RSF1: variants seen among roughly 807,000 people sequenced by gnomAD.
The protein encoded by RSF1 is HBV pX-associated protein 8.
RSF1 carries 13 observed loss-of-function variants against 145.2 expected under a neutral mutation model. That is an observed-to-expected ratio of 0.09 (90% CI 0.06 to 0.14). The LOEUF (loss-of-function observed/expected upper bound fraction) is 0.14, where lower values mean the gene tolerates loss of function less well. Ranked by LOEUF, RSF1 falls within the 10% of genes least tolerant of loss-of-function variation. The pLI is 1.00. For synonymous variants in RSF1, 577 were observed against 592.6 expected (o/e 0.97, Z 0.38); for missense variants, 1,517 against 1,718.2 (o/e 0.88, Z 2.07).
chr11:77,774,084 C>T (rs1354355172), intron 1 of RSF1, among the ~76,000 whole-genome samples: 2 of 152,194 alleles, frequency 1.3e-5, no homozygotes, highest in Non-Finnish European at 2.9e-5. Context: ...AATTATCTAT[C>T]TTCTATCTCT....
intron 1 of RSF1, chr11:77,813,575 CT>C: frequency 3.0e-6 from 2 of 676,578 alleles, no homozygotes; most frequent in Admixed American, 2.0e-5. Flanking sequence ...CAGCACACAC[CT>C]TTTCCAGGGA....
intron 4 of RSF1, among the ~76,000 whole-genome samples, chr11:77,726,525 C>T (rs992479468): frequency 1.3e-5 from 2 of 152,044 alleles, no homozygotes; most frequent in African/African-American, 4.8e-5. Context: ...ATTTAAATGC[C>T]ACTTACAACT....
chr11:77,861,186 T>TCTTTCTCCTATGTTCAGGTGTATAA, the RSF1 span, among the ~76,000 whole-genome samples: 2 of 152,172 alleles, frequency 1.3e-5, no homozygotes, highest in African/African-American at 4.8e-5. Context: ...AAATGGGTGT[T>TCTTTCTCCTATGTTCAGGTGTATAA]CTTTCTCCTA....
intron 8 of RSF1, 94 bp from the exon 9 acceptor site, chr11:77,691,332 G>T: frequency 1.0e-6 from 1 of 997,606 alleles, no homozygotes. Context: ...GGCTCTGAGA[G>T]CTGGTAAGGG....
chr11:77,820,187 G>T (rs1948843546), intron 1 of RSF1, among the ~76,000 whole-genome samples: 1 of 152,160 alleles, frequency 6.6e-6, no homozygotes, highest in Non-Finnish European at 1.5e-5. Flanking sequence ...GCCGCCAAGG[G>T]GGAGACGGGG....
the RSF1 span, chr11:77,841,386 T>C: frequency 1.7e-6 from 1 of 595,432 alleles, no homozygotes; most frequent in South Asian, 2.1e-5. Flanking sequence ...CTTGATTTTA[T>C]TCTTAAACCC....
chr11:77,747,229 G>C, intron 2 of RSF1, 101 bp from the exon 3 acceptor site: 3 of 707,986 alleles, frequency 4.2e-6, no homozygotes, highest in Admixed American at 4.8e-5. Flanking sequence ...GTTTATAAAG[G>C]AAAGAGGTTA....
intron 5 of RSF1, among the ~76,000 whole-genome samples, chr11:77,715,242 A>G (rs1960780047): frequency 6.6e-6 from 1 of 152,232 alleles, no homozygotes; most frequent in Non-Finnish European, 1.5e-5. Flanking sequence ...AAAAAATACA[A>G]GAAAGAAATG....
At position 77,691,145 on chromosome 11, in the gene RSF1, A is replaced by G. The variant is rs1253977108; in HGVS notation, c.2900+14T>C. ...ATATTCCCAAACAAAACATTAACAC[A>G]CATATAAAAATACCTTCGTTCGGCA... On this transcript the variant is annotated intron_variant, in intron 9 of 15. Coordinates refer to ENST00000308488, the MANE Select transcript of RSF1 (RefSeq NM_016578.4). The G allele has an allele frequency of 6.2e-7, 1 of 1,607,448 alleles. No homozygotes were observed. Among genetic ancestry groups the G allele is most frequent in the Non-Finnish European group, 8.5e-7 (1 of 1,174,088 alleles).
At chr11:77,781,240 A>C (rs2135956618) in intron 1 of RSF1, among the ~76,000 whole-genome samples, 1 of 152,236 alleles carries the variant, frequency 6.6e-6, no homozygotes, top group East Asian at 1.9e-4. Context: ...CTGGGATTAC[A>C]GGCATGTGCC....
At chr11:77,671,755 C>T (rs541176412) in intron 15 of RSF1, among the ~76,000 whole-genome samples, 2 of 151,998 alleles carry the variant, frequency 1.3e-5, no homozygotes, top group Admixed American at 1.3e-4. Context: ...CTGCCTCAAC[C>T]TCCTGAGTAG....
chr11:77,733,901 CA>C (rs1590856902), intron 4 of RSF1, among the ~76,000 whole-genome samples: 2 of 152,134 alleles, frequency 1.3e-5, no homozygotes, highest in Non-Finnish European at 2.9e-5. Context: ...TGACATACCC[CA>C]TGGAGTGAAT....
At position 77,702,449 on chromosome 11, in the gene RSF1, C is replaced by T. The variant is rs181993051; in HGVS notation, c.780G>A (p.Met260Ile). The change falls in exon 6 of 16, where the codon ATG (methionine) becomes ATA (isoleucine). Residue 260 changes from methionine to isoleucine, a missense_variant. Transcript: ENST00000308488. ...TGGCTGTAGAACGGTTTTCTAAATC[C>T]ATAGGCTGCTCCTCACTTTTCATCT... ...SEKMKSEEQP[M>I]DLENRSTANV... 1 of 1,569,890 alleles carries T rather than the reference C, an allele frequency of 6.4e-7. No homozygotes were observed. Among genetic ancestry groups the T allele is most frequent in the Admixed American group, 2.2e-5 (1 of 46,420 alleles).
intron 1 of RSF1, among the ~76,000 whole-genome samples, chr11:77,776,454 T>G (rs1299337238): frequency 6.6e-6 from 1 of 152,194 alleles, no homozygotes; most frequent in East Asian, 1.9e-4. Context: ...AACATTCATT[T>G]GACAAGCAGA....
the RSF1 span, among the ~76,000 whole-genome samples, chr11:77,839,678 A>G: frequency 6.6e-6 from 1 of 152,196 alleles, no homozygotes; most frequent in Non-Finnish European, 1.5e-5. Context: ...AGGGACACAG[A>G]TGGAGCTGGA....
chr11:77,811,335 G>T (rs1948728951), intron 1 of RSF1, among the ~76,000 whole-genome samples: 2 of 152,264 alleles, frequency 1.3e-5, no homozygotes, highest in Middle Eastern at 6.8e-3. Flanking sequence ...CTACATATTT[G>T]CTATTACCCA....
chr11:77,686,677 T>C (rs1002742258), intron 9 of RSF1, among the ~76,000 whole-genome samples: 5 of 150,566 alleles, frequency 3.3e-5, no homozygotes, highest in African/African-American at 1.0e-4. Flanking sequence ...CTATTAAAAC[T>C]GGTATGTTTA....
chr11:77,723,917 T>C (rs1960992823), intron 5 of RSF1, among the ~76,000 whole-genome samples: 1 of 152,240 alleles, frequency 6.6e-6, no homozygotes, highest in South Asian at 2.1e-4. Context: ...TTCTTTCCTT[T>C]TGAAGAGCTC....
chr11:77,734,742 C>G, intron 4 of RSF1: 1 of 1,507,660 alleles, frequency 6.6e-7, no homozygotes, highest in Non-Finnish European at 9.1e-7. Context: ...TCAGCCCGCT[C>G]TCCCAGTCAT....
Sources: allele counts gnomAD v4.1 joint callset (sites outside exome capture counted in the v4.1 genomes callset), GRCh38; gene constraint gnomAD v4.1.1; transcripts MANE v1.5; gene names NCBI Gene and HGNC (gene_info 2026-07-23, HGNC 2026-07-21).